ACOXL: variants seen among roughly 807,000 people sequenced by gnomAD.
ACOXL encodes acyl-coenzyme A oxidase-like protein.
In ACOXL, 70 loss-of-function variants were observed where a neutral mutation model predicts 71.9. That is an observed-to-expected ratio of 0.97 (90% CI 0.80 to 1.19). The LOEUF is 1.19. ACOXL is among the 50% of genes most tolerant of loss of function. ACOXL has a pLI of 0.00. For synonymous variants in ACOXL, 253 were observed against 281.6 expected, an observed-to-expected ratio of 0.90 and a Z score of 1.02; for missense variants, 703 against 736.3, an observed-to-expected ratio of 0.95 and a Z score of 0.52.
At chr2:110,896,557 C>T (rs933055760) in intron 10 of ACOXL, among the ~76,000 whole-genome samples, 1 of 151,690 alleles carries the variant, frequency 6.6e-6, no homozygotes, top group Non-Finnish European at 1.5e-5. Context: ...CAAAGATTTG[C>T]CAAAAAAAGA....
At chr2:111,102,637 C>T (rs2069246175) in intron 17 of ACOXL, among the ~76,000 whole-genome samples, 1 of 149,272 alleles carries the variant, frequency 6.7e-6, no homozygotes, top group Non-Finnish European at 1.5e-5. Context: ...TAAGAATAGC[C>T]ATGTTGCACA....
intron 12 of ACOXL, among the ~76,000 whole-genome samples, chr2:110,935,232 C>T (rs182822435): frequency 5.0e-4 from 76 of 152,228 alleles, no homozygotes; most frequent in African/African-American, 1.6e-3. Context: ...TGAGGGCTTG[C>T]GCAGAACCTC....
intron 14 of ACOXL, among the ~76,000 whole-genome samples, chr2:111,009,945 A>G (rs537693901): frequency 6.6e-6 from 1 of 152,362 alleles, no homozygotes; most frequent in Non-Finnish European, 1.5e-5. Context: ...TCAAGACTCT[A>G]TAAATTCAAG....
chr2:110,785,382 G>A (rs939304627), intron 3 of ACOXL, among the ~76,000 whole-genome samples: 8 of 151,738 alleles, frequency 5.3e-5, no homozygotes, highest in African/African-American at 1.9e-4. Context: ...GTGTGTGTGT[G>A]TGTGTGTGTG....
chr2:110,963,584 TGTGTGTGTGTGTGTGTGTG>T lies in ACOXL; in HGVS notation c.1060-23523_1060-23505del, dbSNP rs772793924. ...TTTGAAATGTGTGTGTGTGTGTGTG[TGTGTGTGTGTGTGTGTGTG>T]TTTTTCTCTTTCTGCAACAGGGTTA... is the stretch of plus-strand genomic sequence containing the variant. On this transcript the variant is annotated intron_variant, in intron 12 of 17. Transcript: ENST00000439055. The T allele has an allele frequency of 5.8e-6, 7 of 1,200,602 alleles. No individual in the cohort carries two copies. In the East Asian group the frequency reaches 1.2e-4, roughly 20 times the overall value. 74.4% of individuals were successfully genotyped at this position (1,200,602 alleles called of 1,614,324 possible).
intron 12 of ACOXL, among the ~76,000 whole-genome samples, chr2:110,955,746 GCT>G (rs1322749492): frequency 6.6e-6 from 1 of 151,858 alleles, no homozygotes; most frequent in Admixed American, 6.6e-5. Context: ...TGCACAGGCT[GCT>G]CTCTCAGCTG....
chr2:110,821,317 T>G (rs1688575465), intron 9 of ACOXL, among the ~76,000 whole-genome samples: 1 of 152,152 alleles, frequency 6.6e-6, no homozygotes, highest in South Asian at 2.1e-4. Flanking sequence ...CTAGTTTCTA[T>G]TCATTAATGA....
At chr2:110,931,112 A>G (rs1388996808) in intron 11 of ACOXL, among the ~76,000 whole-genome samples, 1 of 152,220 alleles carries the variant, frequency 6.6e-6, no homozygotes, top group Non-Finnish European at 1.5e-5. Context: ...TTGGGCCACG[A>G]TGAGTTTCTT....
At chr2:111,067,418 T>G (rs2067126565) in intron 16 of ACOXL, among the ~76,000 whole-genome samples, 2 of 152,086 alleles carry the variant, frequency 1.3e-5, no homozygotes, top group South Asian at 4.1e-4. Context: ...AAAATAAATA[T>G]GAAAAACACA....
At chr2:110,943,995 A>G (rs1162816011) in intron 12 of ACOXL, among the ~76,000 whole-genome samples, 1 of 152,214 alleles carries the variant, frequency 6.6e-6, no homozygotes, top group Non-Finnish European at 1.5e-5. Flanking sequence ...AAGATTAAAT[A>G]ATTTGCCAAA....
chr2:110,849,487 G>A (rs1156721274), intron 10 of ACOXL, among the ~76,000 whole-genome samples: 2 of 152,242 alleles, frequency 1.3e-5, no homozygotes, highest in East Asian at 1.9e-4. Context: ...GCTGCGTGCC[G>A]TGGTTCACGC....
chr2:111,022,045 G>A (rs1485247207), intron 14 of ACOXL, among the ~76,000 whole-genome samples: 4 of 152,064 alleles, frequency 2.6e-5, no homozygotes, highest in Admixed American at 1.3e-4. Flanking sequence ...TTGTAAAGAC[G>A]TAATACAGAA....
chr2:110,866,290 G>A (rs924368455), intron 10 of ACOXL, among the ~76,000 whole-genome samples: 6 of 152,168 alleles, frequency 3.9e-5, no homozygotes, highest in Non-Finnish European at 7.3e-5. Flanking sequence ...GAGAAGATCT[G>A]GGGCAGTGGT....
chr2:110,871,609 C>A (rs141373586), intron 10 of ACOXL, among the ~76,000 whole-genome samples: 5 of 152,138 alleles, frequency 3.3e-5, no homozygotes, highest in Non-Finnish European at 5.9e-5. Flanking sequence ...TCTTACATCA[C>A]TGCTACTAAG....
intron 9 of ACOXL, among the ~76,000 whole-genome samples, chr2:110,828,471 C>T (rs1345991088): frequency 1.3e-5 from 2 of 152,178 alleles, no homozygotes; most frequent in African/African-American, 4.8e-5. Flanking sequence ...GTAATGCCAA[C>T]AATAGTCTGT....
intron 15 of ACOXL, among the ~76,000 whole-genome samples, chr2:111,041,759 AG>A (rs1255040825): frequency 6.6e-6 from 1 of 152,206 alleles, no homozygotes; most frequent in African/African-American, 2.4e-5. Flanking sequence ...GGGCTCCAGA[AG>A]GGGTCCAGAT....
intron 10 of ACOXL, among the ~76,000 whole-genome samples, chr2:110,885,852 G>A (rs1266120536): frequency 6.6e-6 from 1 of 152,168 alleles, no homozygotes; most frequent in Admixed American, 6.5e-5. Context: ...TCAGCTGCTC[G>A]TAGCTGTTAC....
At chr2:111,043,202 C>T (rs1220608015) in intron 15 of ACOXL, among the ~76,000 whole-genome samples, 2 of 152,078 alleles carry the variant, frequency 1.3e-5, no homozygotes, top group African/African-American at 2.4e-5. Context: ...GAGCAGGGCC[C>T]TCACCCTCTC....
intron 17 of ACOXL, among the ~76,000 whole-genome samples, chr2:111,108,421 G>A (rs966840640): frequency 3.5e-5 from 4 of 113,698 alleles, no homozygotes; most frequent in Non-Finnish European, 6.6e-5. Context: ...TCTTGCTGCC[G>A]AGGCTGGAGT....
Sources: allele counts gnomAD v4.1 joint callset (sites outside exome capture counted in the v4.1 genomes callset), GRCh38; gene constraint gnomAD v4.1.1; transcripts MANE v1.5; gene names NCBI Gene and HGNC (gene_info 2026-07-23, HGNC 2026-07-21).